Variants in LHX2 observed in about 807,000 individuals in gnomAD.
LHX2 encodes LIM homeobox 2.
In LHX2, 6 loss-of-function variants were observed where a neutral mutation model predicts 33.0. The ratio of observed to expected loss-of-function variants is 0.18; its 90% CI spans 0.10 to 0.36. The LOEUF (loss-of-function observed/expected upper bound fraction) is 0.36. Among genes scored for constraint, LHX2 ranks in the 10% least tolerant of loss-of-function variants. LHX2 has a pLI of 1.00. For synonymous variants in LHX2, 292 were observed against 253.1 expected, an observed-to-expected ratio of 1.15 and a Z score of -1.46; for missense variants, 442 against 586.2, an observed-to-expected ratio of 0.75 and a Z score of 2.54.
At chr9:124,020,989 A>C in intron 3 of LHX2, 110 bp from the exon 4 acceptor site, 1 of 922,000 alleles carries the variant, frequency 1.1e-6, no homozygotes. Context: ...TGGCGCAGAC[A>C]TGCAGCAGGG....
intron 4 of LHX2, among the ~76,000 whole-genome samples, chr9:124,027,633 A>G (rs1237357733): frequency 2.0e-5 from 3 of 152,168 alleles, no homozygotes; most frequent in Non-Finnish European, 4.4e-5. Context: ...CCTGGCTAAT[A>G]CAGTGAAACC....
Position 124,014,247 on chromosome 9 carries a change from T to C in LHX2, c.323+84T>C. 1.1e-6 allele frequency: 1 copy of C among 873,582 alleles called. No homozygotes were observed. Among genetic ancestry groups the C allele is most frequent in the Non-Finnish European group, 1.8e-6 (1 of 542,782 alleles). 54.1% of individuals were successfully genotyped at this position (873,582 alleles called of 1,614,324 possible). The stretch of plus-strand genomic sequence containing the variant: ...TACAGTTTGGCCCTCTCCTTTCCGT[T>C]TAGTCCCAGGAGAGGGTTCACTACT... On this transcript the variant is annotated intron_variant, in intron 2 of 4. Coordinates refer to ENST00000373615, the MANE Select transcript of LHX2 (RefSeq NM_004789.4). The surrounding 1 kb of genome is among the most constrained non-coding windows in gnomAD (Gnocchi z 4.8).
chr9:124,027,890 C>A (rs1828650939), intron 4 of LHX2, among the ~76,000 whole-genome samples: 1 of 146,286 alleles, frequency 6.8e-6, no homozygotes, highest in Non-Finnish European at 1.5e-5. Flanking sequence ...AGGTACAATA[C>A]CAGAAGGCAT....
Position 124,025,313 on chromosome 9 carries a change from T to A in LHX2, c.933+4009T>A, listed in dbSNP as rs376349070. On this transcript the variant is annotated intron_variant, in intron 4 of 4. Coordinates refer to ENST00000373615, the MANE Select transcript of LHX2 (RefSeq NM_004789.4). Reference sequence around the variant, plus strand: ...AAAATTAGCCGGGCGTGGTGGCATGTGCCTGTAGTCCCAGCTGCTGGGGAG... The same window carrying A: ...AAAATTAGCCGGGCGTGGTGGCATGAGCCTGTAGTCCCAGCTGCTGGGGAG... 5.9e-5 allele frequency among the ~76,000 whole-genome samples: 9 copies of A among 152,100 alleles called. No homozygotes were observed. The East Asian group carries it at 1.5e-3, about 26-fold the overall frequency.
rs1342994202 is a variant in LHX2, at chr9:124,032,371, T to A, written c.934-49T>A. 6.6e-7 allele frequency: 1 copy of A among 1,524,484 alleles called. No individual in the cohort carries two copies. Among genetic ancestry groups the A allele is most frequent in the East Asian group, 2.3e-5 (1 of 43,400 alleles). The allele number at this position is 1,524,484 out of a possible 1,614,324, so 94.4% of individuals were successfully genotyped here. ...GCTCTGAGTGAAGCAGTCGGGGGGA[T>A]GCTCTGCCTGCCTTCCGCTCACCAG... On this transcript the variant is annotated intron_variant, in intron 4 of 4. Transcript: ENST00000373615. The surrounding 1 kb of genome is among the most constrained non-coding windows in gnomAD (Gnocchi z 4.1).
At chr9:124,028,329 TTC>T (rs1311908866) in intron 4 of LHX2, among the ~76,000 whole-genome samples, 6 of 152,184 alleles carry the variant, frequency 3.9e-5, no homozygotes, top group African/African-American at 1.4e-4. Context: ...GTCCTGATGA[TTC>T]TCTGTCTGAA....
chr9:124,012,821 G>A lies in LHX2; in HGVS notation c.120+353G>A, dbSNP rs1859116587. Among the ~76,000 whole-genome samples the A allele has an allele frequency of 6.6e-6, 1 of 152,218 alleles. No homozygotes were observed. On this transcript the variant is annotated intron_variant, in intron 1 of 4. Transcript: ENST00000373615. The surrounding 1 kb of genome is among the most constrained non-coding windows in gnomAD (Gnocchi z 4.3). ...CCTCCACCTCTCGGCTCCGGTTGCT[G>A]GCGGCGCCGCGAGCGGCGCCAGGGA...
chr9:124,018,283 A>G (rs1372205041), intron 3 of LHX2, among the ~76,000 whole-genome samples: 1 of 149,464 alleles, frequency 6.7e-6, no homozygotes, highest in African/African-American at 2.5e-5. Context: ...AAAAAAAAAA[A>G]AAAGGAGAGA....
rs557120145 is a variant in LHX2 at position 124,011,894 on chromosome 9, G to C, written c.-455G>C. 1 of 152,346 alleles carries C rather than the reference G, an allele frequency of 6.6e-6. No homozygotes were observed. Among genetic ancestry groups the C allele is most frequent in the Admixed American group, 6.5e-5 (1 of 15,302 alleles). 9.4% of individuals were successfully genotyped at this position (152,346 alleles called of 1,614,324 possible). On this transcript the variant is annotated 5_prime_UTR_variant, in exon 1 of 5. Coordinates refer to ENST00000373615, the MANE Select transcript of LHX2 (RefSeq NM_004789.4). ...CCCAGGGAGGGGAGGGGTCCAGGCA[G>C]CTGGGCCGCCGCGGACACCTAGCGG...
At chr9:124,021,038 T>A (rs1859282604) in intron 3 of LHX2, 61 bp from the exon 4 acceptor site, 3 of 1,505,582 alleles carry the variant, frequency 2.0e-6, no homozygotes, top group Non-Finnish European at 2.8e-6. Context: ...GGGGCGAGTG[T>A]GGATTTGGCA....
At chr9:124,025,871 G>C (rs914064927) in intron 4 of LHX2, among the ~76,000 whole-genome samples, 1 of 152,212 alleles carries the variant, frequency 6.6e-6, no homozygotes, top group East Asian at 1.9e-4. Flanking sequence ...TGTAGTCCCA[G>C]GTACTCGGGA....
In LHX2 at chr9:124,015,714, G is replaced by C. The variant is rs1289568912; in HGVS notation, c.727+189G>C. Among the ~76,000 whole-genome samples the C allele has an allele frequency of 1.3e-5, 2 of 152,280 alleles. No homozygotes were observed. Among genetic ancestry groups the C allele is most frequent in the Non-Finnish European group, 1.5e-5 (1 of 68,054 alleles). On this transcript the variant is annotated intron_variant, in intron 3 of 4. Coordinates refer to ENST00000373615, the MANE Select transcript of LHX2 (RefSeq NM_004789.4). The surrounding 1 kb of genome is among the most constrained non-coding windows in gnomAD (Gnocchi z 7.9). ...CGTCCTCGGCTGGAGCGGGAGGAGAGGGTGCAGTGGTCCCTTGCTGCTCCG... is the reference window on the plus strand; with the variant it reads ...CGTCCTCGGCTGGAGCGGGAGGAGACGGTGCAGTGGTCCCTTGCTGCTCCG...
intron 4 of LHX2, among the ~76,000 whole-genome samples, chr9:124,029,451 C>T (rs904642618): frequency 3.3e-5 from 5 of 152,058 alleles, no homozygotes; most frequent in African/African-American, 7.2e-5. Context: ...AAGAACAAAC[C>T]CCACACAACC....
Position 124,015,581 on chromosome 9 carries a change from C to T in LHX2, c.727+56C>T, listed in dbSNP as rs1228029691. 7.0e-7 allele frequency: 1 copy of T among 1,431,528 alleles called. No individual in the cohort carries two copies. The highest frequency in any genetic ancestry group is 1.5e-5 in the South Asian group (1 of 66,464). The allele number at this position is 1,431,528 out of a possible 1,614,324, so 88.7% of individuals were successfully genotyped here. A position where few individuals can be genotyped will look rare whatever the true frequency, so the allele number is the denominator to read the frequency against. On this transcript the variant is annotated intron_variant, in intron 3 of 4. Transcript: ENST00000373615. The surrounding 1 kb of genome is among the most constrained non-coding windows in gnomAD (Gnocchi z 7.9). Reference sequence around the variant, plus strand: ...AGGGTTGGGGGAAAGTGTGCGGCCTCGACGGCCGGGAGCTGGATTGAATCT... The same window carrying T: ...AGGGTTGGGGGAAAGTGTGCGGCCTTGACGGCCGGGAGCTGGATTGAATCT...
At position 124,032,599 on chromosome 9, in the gene LHX2, T is replaced by G; in HGVS notation, c.1113T>G (p.Thr371=). 2 of 1,614,166 alleles carry G rather than the reference T, an allele frequency of 1.2e-6. No individual in the cohort carries two copies. Among genetic ancestry groups the G allele is most frequent in the East Asian group, 4.5e-5 (2 of 44,882 alleles). The part of the protein sequence containing the change: ...SSTPTTLTDL[T]SPTLPTVTSV... ...CGCCCACCACCCTGACAGACTTGACTAGCCCCACCCTGCCAACTGTGACGT... is the reference window on the plus strand; with the variant it reads ...CGCCCACCACCCTGACAGACTTGACGAGCCCCACCCTGCCAACTGTGACGT... Residue 371 remains threonine, a synonymous_variant, in exon 5 of 5, where the codon ACT becomes ACG. Coordinates refer to ENST00000373615, the MANE Select transcript of LHX2 (RefSeq NM_004789.4). This position sits in a 1 kb window ranked among gnomAD's most constrained non-coding sequence, Gnocchi z 4.1.
chr9:124,015,393 G>T lies in LHX2; in HGVS notation c.595G>T (p.Ala199Ser), dbSNP rs776576461. Residue 199 changes from alanine to serine, a missense_variant, in exon 3 of 5, where the codon GCG becomes TCG. This residue lies in a region of LHX2 where 132 missense variants were observed against 139.1 expected (regional missense o/e 0.95). Coordinates refer to ENST00000373615, the MANE Select transcript of LHX2 (RefSeq NM_004789.4). The surrounding 1 kb of genome is among the most constrained non-coding windows in gnomAD (Gnocchi z 7.9). ...AAAAAAAAKS[A>S]GLGAAGANPL... ...CGCTGCAGCCGCGGCGGCCAAGAGC[G>T]CGGGGCTGGGCGCAGCAGGGGCCAA... is the stretch of plus-strand genomic sequence containing the variant. The T allele has an allele frequency of 1.2e-6, 2 of 1,608,300 alleles. No individual in the cohort carries two copies. Among genetic ancestry groups the T allele is most frequent in the Middle Eastern group, 1.7e-4 (1 of 6,032 alleles).
chr9:124,026,352 G>C (rs1252050981), intron 4 of LHX2, among the ~76,000 whole-genome samples: 1 of 152,018 alleles, frequency 6.6e-6, no homozygotes, highest in Non-Finnish European at 1.5e-5. Flanking sequence ...CAGCTACTTG[G>C]GAGGCTGAGG....
intron 4 of LHX2, 71 bp downstream of exon 4, chr9:124,021,375 G>T: frequency 7.0e-7 from 1 of 1,436,094 alleles, no homozygotes; most frequent in Non-Finnish European, 9.6e-7. Flanking sequence ...ACCCCTCGCC[G>T]TGGGCCTTGG....
intron 4 of LHX2, chr9:124,021,855 T>C (rs554284429): frequency 6.6e-6 from 1 of 152,228 alleles, no homozygotes; most frequent in Non-Finnish European, 1.5e-5. Flanking sequence ...TCCCAGACTC[T>C]CCTGGAAGCA....
Sources: gnomAD v4.1 joint callset for allele counts (sites outside exome capture counted in the v4.1 genomes callset) on GRCh38, gnomAD v4.1.1 for gene constraint, gnomAD v4.1.1 regional missense constraint, Gnocchi (gnomAD v3.1) non-coding constraint, MANE v1.5 for transcripts, NCBI Gene and HGNC (gene_info 2026-07-23, HGNC 2026-07-21) for gene names.